TMEM74: variants seen among roughly 807,000 people sequenced by gnomAD.
TMEM74 encodes the protein transmembrane protein 74.
In TMEM74, 13 loss-of-function variants were observed where a neutral mutation model predicts 18.1. The observed-to-expected ratio is 0.72, with a 90% CI of 0.47 to 1.14. TMEM74 has a LOEUF of 1.14. Among genes scored for constraint, TMEM74 ranks in the 50% most tolerant of loss-of-function variants. The pLI, the probability that TMEM74 is intolerant of heterozygous loss-of-function variation, is 0.00. For missense variants in TMEM74, 372 were observed against 375.9 expected, an observed-to-expected ratio of 0.99 and a Z score of 0.09; for synonymous variants, 159 against 146.6, an observed-to-expected ratio of 1.08 and a Z score of -0.61.
intron 1 of TMEM74, among the ~76,000 whole-genome samples, chr8:108,760,039 G>T (rs1441455658): frequency 6.6e-6 from 1 of 151,996 alleles, no homozygotes; most frequent in Non-Finnish European, 1.5e-5. Context: ...CAGGTGTGGT[G>T]GCACATGCCT....
At chr8:108,686,764 G>A (rs1813174715) in intron 1 of TMEM74, among the ~76,000 whole-genome samples, 2 of 151,862 alleles carry the variant, frequency 1.3e-5, no homozygotes, top group South Asian at 4.1e-4. Flanking sequence ...ATATTTTGAG[G>A]GGATTACTGG....
intron 1 of TMEM74, among the ~76,000 whole-genome samples, chr8:108,688,762 G>A (rs1363005351): frequency 6.6e-6 from 1 of 152,170 alleles, no homozygotes; most frequent in African/African-American, 2.4e-5. Flanking sequence ...ATCAAGCCTT[G>A]CCACCAGTCC....
rs1355435778 is a variant in TMEM74 at position 108,781,169 on chromosome 8, A to C, written c.*3012T>G. On this transcript the variant is annotated 3_prime_UTR_variant, in exon 2 of 2. Coordinates refer to ENST00000297459, the MANE Select transcript of TMEM74 (RefSeq NM_153015.3). ...AACCATGTAAATAAGCTAAAGACCT[A>C]GAACCACTGAAATATGTTTTTCTTC... 6.6e-6 allele frequency among the ~76,000 whole-genome samples: 1 copy of C among 152,210 alleles called. No individual in the cohort carries two copies. Among genetic ancestry groups the C allele is most frequent in the East Asian group, 1.9e-4 (1 of 5,194 alleles).
At chr8:108,634,396 A>G (rs1273182100) in intron 2 of TMEM74, among the ~76,000 whole-genome samples, 1 of 151,828 alleles carries the variant, frequency 6.6e-6, no homozygotes, top group African/African-American at 2.4e-5. Context: ...TGCTACTCCT[A>G]TTTCCCCCTA....
At chr8:108,647,688 A>AGGTTACCAATGTAACC (rs1242002474) in intron 2 of TMEM74, among the ~76,000 whole-genome samples, 1 of 152,168 alleles carries the variant, frequency 6.6e-6, no homozygotes, top group Non-Finnish European at 1.5e-5. Context: ...AACCTACTAT[A>AGGTTACCAATGTAACC]TACAGGATAC....
At chr8:108,738,567 T>G (rs1813770227) in intron 1 of TMEM74, among the ~76,000 whole-genome samples, 1 of 152,118 alleles carries the variant, frequency 6.6e-6, no homozygotes, top group African/African-American at 2.4e-5. Context: ...TTTCCTGGAA[T>G]GAAAGCCAGG....
chr8:108,775,627 C>T (rs7816300), downstream of TMEM74, among the ~76,000 whole-genome samples: 37,294 of 152,132 alleles, frequency 0.25, 5,266 homozygotes, highest in Middle Eastern at 0.32. Context: ...TTATAAAAAA[C>T]AGCTTTGACC....
At chr8:108,629,742 T>C (rs914538910) in intron 2 of TMEM74, among the ~76,000 whole-genome samples, 4 of 152,000 alleles carry the variant, frequency 2.6e-5, no homozygotes, top group Admixed American at 6.6e-5. Flanking sequence ...CAAAGCTTTA[T>C]AAGCAAAGGA....
chr8:108,780,409 T>TA lies in TMEM74; in HGVS notation c.*3771dup, dbSNP rs35888121. On this transcript the variant is annotated 3_prime_UTR_variant, in exon 2 of 2. Coordinates refer to ENST00000297459, the MANE Select transcript of TMEM74 (RefSeq NM_153015.3). The stretch of plus-strand genomic sequence containing the variant: ...AGAATTTTTGCTTGTCAGAAGGTGG[T>TA]AAAAAAAAATAGAGCCATTGGGTTC... Among the ~76,000 whole-genome samples, 28 of 151,324 alleles carry TA rather than the reference T, an allele frequency of 1.9e-4. No homozygotes were observed. The Middle Eastern group carries it at 0.01, about 55-fold the overall frequency.
At chr8:108,762,997 A>G (rs1814063335) in intron 1 of TMEM74, among the ~76,000 whole-genome samples, 1 of 152,212 alleles carries the variant, frequency 6.6e-6, no homozygotes, top group African/African-American at 2.4e-5. Context: ...ATCAATAAAA[A>G]TTATTAAATA....
chr8:108,673,642 C>A (rs980250325), intron 1 of TMEM74, among the ~76,000 whole-genome samples: 1 of 152,050 alleles, frequency 6.6e-6, no homozygotes, highest in African/African-American at 2.4e-5. Flanking sequence ...CAAAAGCAAT[C>A]GAGTGATAAA....
intron 1 of TMEM74, among the ~76,000 whole-genome samples, chr8:108,690,100 T>A (rs1405956748): frequency 6.6e-6 from 1 of 151,954 alleles, no homozygotes; most frequent in African/African-American, 2.4e-5. Context: ...CAAGACTGAG[T>A]AGGACTACAC....
intron 1 of TMEM74, among the ~76,000 whole-genome samples, chr8:108,720,279 C>T (rs1186137231): frequency 6.6e-6 from 1 of 152,096 alleles, no homozygotes; most frequent in Non-Finnish European, 1.5e-5. Flanking sequence ...ATCCTCCTAG[C>T]TTGTCAGATG....
chr8:108,614,467 G>A (rs1215450193), intron 2 of TMEM74, among the ~76,000 whole-genome samples: 1 of 152,144 alleles, frequency 6.6e-6, no homozygotes. Flanking sequence ...GCAAAGACAA[G>A]AAAGCAAGAT....
At chr8:108,737,062 C>A (rs145487992) in intron 1 of TMEM74, among the ~76,000 whole-genome samples, 34 of 152,180 alleles carry the variant, frequency 2.2e-4, no homozygotes, top group Admixed American at 2.0e-3. Flanking sequence ...GCCCCTTTGG[C>A]CTTCTGCTTA....
chr8:108,610,559 G>A (rs957570457), intron 2 of TMEM74, among the ~76,000 whole-genome samples: 5 of 152,146 alleles, frequency 3.3e-5, no homozygotes, highest in East Asian at 1.9e-4. Flanking sequence ...AAAAAGTGGA[G>A]AGAAAAGGCC....
At chr8:108,655,314 C>A (rs1812810796) in exon 2 of TMEM74, 1 of 152,034 alleles carries the variant, frequency 6.6e-6, no homozygotes, top group African/African-American at 2.4e-5. Context: ...AATGTCTTGA[C>A]CACTTCTGGA....
At chr8:108,730,962 C>T (rs578235604) in intron 1 of TMEM74, among the ~76,000 whole-genome samples, 3 of 152,242 alleles carry the variant, frequency 2.0e-5, no homozygotes, top group African/African-American at 7.2e-5. Context: ...TTTGCTCATC[C>T]AGCATAAACA....
intron 1 of TMEM74, among the ~76,000 whole-genome samples, chr8:108,770,724 AT>A (rs1814162141): frequency 8.5e-5 from 13 of 152,190 alleles, no homozygotes; most frequent in Admixed American, 8.5e-4. Flanking sequence ...GTAGAAAAAA[AT>A]ATTAACATAT....
Sources: allele counts gnomAD v4.1 joint callset (sites outside exome capture counted in the v4.1 genomes callset), GRCh38; gene constraint gnomAD v4.1.1; transcripts MANE v1.5; gene names NCBI Gene and HGNC (gene_info 2026-07-23, HGNC 2026-07-21).